Variants in ANK3 observed in about 807,000 individuals in gnomAD.
The protein encoded by ANK3 is ankyrin 3.
In ANK3, 57 loss-of-function variants were observed where a neutral mutation model predicts 370.9. The observed-to-expected ratio is 0.15, with a 90% CI of 0.12 to 0.19. The LOEUF (loss-of-function observed/expected upper bound fraction) is 0.19. Among genes scored for constraint, ANK3 ranks in the 10% least tolerant of loss-of-function variants. ANK3 has a pLI of 1.00. For synonymous variants in ANK3, 1,929 were observed against 1,946.3 expected (o/e 0.99, Z 0.23); for missense variants, 4,439 against 5,302.1 (o/e 0.84, Z 5.06).
intron 16 of ANK3, 26 bp from the exon 17 acceptor site, chr10:60,186,938 A>T: frequency 6.2e-7 from 1 of 1,608,204 alleles, no homozygotes; most frequent in South Asian, 1.1e-5. Flanking sequence ...ACTTGGTCAC[A>T]TGCCCAGGAA....
chr10:60,213,182 C>G (rs1225174265), intron 9 of ANK3, among the ~76,000 whole-genome samples: 5 of 152,070 alleles, frequency 3.3e-5, no homozygotes, highest in African/African-American at 1.2e-4. Flanking sequence ...AGTAAGCATT[C>G]CTGAAACACA....
At chr10:60,465,535 A>T (rs913897643) in intron 2 of ANK3, among the ~76,000 whole-genome samples, 6 of 152,188 alleles carry the variant, frequency 3.9e-5, no homozygotes, top group Non-Finnish European at 8.8e-5. Flanking sequence ...AAGGAGAGAC[A>T]TTCCTCTTGA....
chr10:60,599,675 G>A (rs1299105711), intron 2 of ANK3, among the ~76,000 whole-genome samples: 2 of 152,132 alleles, frequency 1.3e-5, no homozygotes, highest in Non-Finnish European at 2.9e-5. Flanking sequence ...CCTAACTGGT[G>A]TTCTTGCTTC....
intron 6 of ANK3, among the ~76,000 whole-genome samples, chr10:60,262,326 C>T (rs2097819681): frequency 6.6e-6 from 1 of 152,144 alleles, no homozygotes; most frequent in South Asian, 2.1e-4. Context: ...CATTGAAACT[C>T]AAAATTCAAT....
chr10:60,088,129 AC>A lies in ANK3; in HGVS notation c.3540+17del, dbSNP rs1406829767. On this transcript the variant is annotated intron_variant, in intron 29 of 43. Coordinates refer to ENST00000280772, the MANE Select transcript of ANK3 (RefSeq NM_020987.5). The stretch of plus-strand genomic sequence containing the variant: ...CTCTCTGCGCATACTGAGGGAAACA[AC>A]TTTTTGTGAACATTACCTGGAGGCC... The A allele has an allele frequency of 1.9e-6, 3 of 1,611,954 alleles. No individual in the cohort carries two copies. The highest frequency in any genetic ancestry group is 2.5e-6 in the Non-Finnish European group (3 of 1,178,218).
intron 2 of ANK3, among the ~76,000 whole-genome samples, chr10:60,574,167 C>T (rs2077653259): frequency 6.6e-6 from 1 of 152,078 alleles, no homozygotes; most frequent in Non-Finnish European, 1.5e-5. Flanking sequence ...GGGTTTGTGT[C>T]CATATTCAAC....
chr10:60,567,655 T>C (rs930401283), intron 2 of ANK3, among the ~76,000 whole-genome samples: 1 of 152,198 alleles, frequency 6.6e-6, no homozygotes, highest in African/African-American at 2.4e-5. Flanking sequence ...TCTAAGGCTA[T>C]AGCTGCCATA....
intron 1 of ANK3, among the ~76,000 whole-genome samples, chr10:60,642,248 G>A (rs1358795170): frequency 6.6e-6 from 1 of 151,260 alleles, no homozygotes; most frequent in Non-Finnish European, 1.5e-5. Flanking sequence ...TCTAGAACTA[G>A]AAATACCATT....
intron 1 of ANK3, among the ~76,000 whole-genome samples, chr10:60,322,794 A>G (rs2048950161): frequency 6.7e-6 from 1 of 149,380 alleles, no homozygotes; most frequent in Non-Finnish European, 1.5e-5. Flanking sequence ...GTGAAAACCT[A>G]TGGGGGGGAA....
At chr10:60,266,896 T>C (rs1345848114) in intron 5 of ANK3, among the ~76,000 whole-genome samples, 2 of 152,148 alleles carry the variant, frequency 1.3e-5, no homozygotes, top group African/African-American at 2.4e-5. Context: ...GTCTGAAACA[T>C]AATAGGTGCT....
At chr10:60,270,413 G>A (rs1168126011) in intron 4 of ANK3, among the ~76,000 whole-genome samples, 184 bp from the exon 5 acceptor site, 2 of 152,116 alleles carry the variant, frequency 1.3e-5, no homozygotes, top group Admixed American at 6.5e-5. Flanking sequence ...CCTGATCTGT[G>A]TAATTCAAAA....
chr10:60,132,916 T>C (rs1188443776), intron 25 of ANK3, among the ~76,000 whole-genome samples: 1 of 152,170 alleles, frequency 6.6e-6, no homozygotes, highest in Non-Finnish European at 1.5e-5. Context: ...ATGCCCAGCC[T>C]ATAATCATTT....
In ANK3 at chr10:60,075,512, T is replaced by C; in HGVS notation, c.5369A>G (p.Gln1790Arg). Reference protein sequence around the residue: ...SYVSAAPSAFQSLRTPSASAL... With the variant: ...SYVSAAPSAFRSLRTPSASAL... ...ACTTGCGGAAGGAGTTCTTAGAGACTGAAAAGCTGATGGTGCTGCAGAAAC... is the reference window on the plus strand; with the variant it reads ...ACTTGCGGAAGGAGTTCTTAGAGACCGAAAAGCTGATGGTGCTGCAGAAAC... The change falls in exon 37 of 44, where the codon CAG becomes CGG. Residue 1790 changes from glutamine (Q) to arginine (R), a missense_variant. Gln to Arg is a conservative substitution (Grantham distance 43). Around this residue, in one of 13 missense-constraint regions of ANK3, gnomAD observed 679 missense variants for 791.0 expected, o/e 0.86. Transcript: ENST00000280772. The C allele has an allele frequency of 6.2e-7, 1 of 1,613,628 alleles. No individual in the cohort carries two copies.
intron 24 of ANK3, chr10:60,137,375 A>G (rs1479291397): frequency 1.5e-5 from 2 of 136,544 alleles, no homozygotes; most frequent in African/African-American, 2.3e-4. Flanking sequence ...TAATTTTAGG[A>G]AAAAAAAAAA....
intron 2 of ANK3, among the ~76,000 whole-genome samples, chr10:60,535,117 A>C (rs1011280185): frequency 6.6e-6 from 1 of 152,160 alleles, no homozygotes; most frequent in East Asian, 1.9e-4. Flanking sequence ...CAGCATTGCC[A>C]CTAGCAATAC....
chr10:60,159,957 A>C (rs1281683204), intron 23 of ANK3, among the ~76,000 whole-genome samples: 1 of 152,180 alleles, frequency 6.6e-6, no homozygotes, highest in Non-Finnish European at 1.5e-5. Flanking sequence ...AAATGCCTAC[A>C]TCAAAAAAGC....
In ANK3 at chr10:60,070,777, A is replaced by C. The variant is rs1165136191; in HGVS notation, c.10104T>G (p.Asp3368Glu). The C allele has an allele frequency of 6.2e-7, 1 of 1,614,214 alleles. No homozygotes were observed. Among genetic ancestry groups the C allele is most frequent in the South Asian group, 1.1e-5 (1 of 91,088 alleles). Residue 3368 changes from aspartate to glutamate, a missense_variant, in exon 37 of 44, where the codon GAT (aspartate) becomes GAG (glutamate). Physicochemically the swap from Asp to Glu is conservative, Grantham distance 45 (BLOSUM62 2). This residue lies in a region of ANK3 where 1,601 missense variants were observed against 1,731.7 expected (regional missense o/e 0.92). Transcript: ENST00000280772. This position sits in a 1 kb window ranked among gnomAD's most constrained non-coding sequence, Gnocchi z 5.7. ...KELESNGSGK[D>E]NEFGLGLDSP... ...AATCAAGGCCAAGGCCAAATTCATT[A>C]TCTTTTCCAGATCCATTACTTTCCA...
intron 7 of ANK3, among the ~76,000 whole-genome samples, chr10:60,240,263 CAT>C (rs1240833922): frequency 3.5e-4 from 46 of 131,190 alleles, no homozygotes; most frequent in African/African-American, 1.1e-3. Flanking sequence ...TACATATACA[CAT>C]ATATATACAC....
rs1406938864 is a variant in ANK3 at position 60,585,241 on chromosome 10, T to C, written c.96+29945A>G. 2.0e-5 allele frequency among the ~76,000 whole-genome samples: 3 copies of C among 152,204 alleles called. No homozygotes were observed. The East Asian group carries it at 5.8e-4, about 29-fold the overall frequency. ...TGTATACAGGTGGTGAAACACTTGG[T>C]AAACCTGGCCTGCAGTAACTTGAAA... On this transcript the variant is annotated intron_variant, in intron 2 of 43. Coordinates refer to the ANK3 transcript ENST00000373827.
Sources: gnomAD v4.1 joint callset for allele counts (sites outside exome capture counted in the v4.1 genomes callset) on GRCh38, gnomAD v4.1.1 for gene constraint, gnomAD v4.1.1 regional missense constraint, Gnocchi (gnomAD v3.1) non-coding constraint, MANE v1.5 for transcripts, NCBI Gene and HGNC (gene_info 2026-07-23, HGNC 2026-07-21) for gene names.